ZNF692: variants seen among roughly 807,000 people sequenced by gnomAD.
ZNF692 encodes AICAR responsive element binding protein.
ZNF692 carries 41 observed loss-of-function variants against 49.0 expected under a neutral mutation model. That is an observed-to-expected ratio of 0.84 (90% CI 0.65 to 1.08). The LOEUF is 1.08. ZNF692 is among the 50% of genes least tolerant of loss of function. The probability of loss-of-function intolerance (pLI) is 0.00; values close to 1 mark genes in which losing one functional copy is unlikely to be tolerated. For missense variants in ZNF692, 662 were observed against 662.2 expected (o/e 1.00, Z 0.00); for synonymous variants, 288 against 251.5 (o/e 1.15, Z -1.37).
Position 248,855,947 on chromosome 1 carries a change from C to T in ZNF692, c.525-1G>A. The T allele has an allele frequency of 6.2e-7, 1 of 1,613,616 alleles. No homozygotes were observed. Among genetic ancestry groups the T allele is most frequent in the East Asian group, 2.2e-5 (1 of 44,880 alleles). On this transcript the variant is annotated splice_acceptor_variant, in intron 5 of 10. Coordinates refer to the ZNF692 transcript ENST00000366471. LOFTEE classifies it high-confidence loss of function. The stretch of plus-strand genomic sequence containing the variant: ...TAGTCTGGGGGCATCAGGCTCACTA[C>T]TGAAAGGAGAACAAAGAGGAAGATG...
rs571632762 is a variant in ZNF692, at chr1:248,857,935, G to C, written c.180-76C>G. 4 of 1,588,934 alleles carry C rather than the reference G, an allele frequency of 2.5e-6. No individual in the cohort carries two copies. In the South Asian group the frequency reaches 4.5e-5, roughly 18 times the overall value. On this transcript the variant is annotated intron_variant, in intron 2 of 11. Coordinates refer to ENST00000306601, the MANE Select transcript of ZNF692 (RefSeq NM_017865.4). ...AGCCCTGGGCACTCACACATGTAAG[G>C]GGCCAGCCCTAAGGGCCGCTATTCG... is the stretch of plus-strand genomic sequence containing the variant.
At chr1:248,853,125 CA>C (rs1659797401) in intron 10 of ZNF692, among the ~76,000 whole-genome samples, 1 of 152,164 alleles carries the variant, frequency 6.6e-6, no homozygotes, top group Admixed American at 6.5e-5. Context: ...CGACTGCAGC[CA>C]ACCCATCCTT....
intron 5 of ZNF692, 27 bp downstream of exon 5, chr1:248,856,487 C>G: frequency 6.2e-7 from 1 of 1,614,252 alleles, no homozygotes. Context: ...TGCAATTCCG[C>G]CTTTTCTCTC....
At chr1:248,851,990 C>A (rs1187623428) in intron 10 of ZNF692, among the ~76,000 whole-genome samples, 1 of 152,158 alleles carries the variant, frequency 6.6e-6, no homozygotes, top group Non-Finnish European at 1.5e-5. Flanking sequence ...ACCAATCTTC[C>A]TGTCCCTCTC....
At chr1:248,856,698 G>A in intron 4 of ZNF692, 136 bp from the exon 5 acceptor site, 1 of 1,098,990 alleles carries the variant, frequency 9.1e-7, no homozygotes, top group Non-Finnish European at 1.3e-6. Flanking sequence ...ATGTTGCCCA[G>A]GCTGGTCTCA....
At position 248,856,077 on chromosome 1, in the gene ZNF692, T is replaced by G. The variant is rs1035238673; in HGVS notation, c.660-131A>C. On this transcript the variant is annotated intron_variant, in intron 6 of 11. Coordinates refer to ENST00000306601, the MANE Select transcript of ZNF692 (RefSeq NM_017865.4). ...CCTACCCCCACCCTAGGCTCCCCAT[T>G]CATATCTGCTTTCAGCCCTCAATCT... The G allele has an allele frequency of 2.5e-6, 3 of 1,195,140 alleles. No individual in the cohort carries two copies. The Admixed American group carries it at 7.0e-5, about 28-fold the overall frequency. 74.0% of individuals were successfully genotyped at this position (1,195,140 alleles called of 1,614,324 possible).
At chr1:248,853,085 T>C (rs991121169) in intron 10 of ZNF692, among the ~76,000 whole-genome samples, 1 of 152,194 alleles carries the variant, frequency 6.6e-6, no homozygotes, top group Non-Finnish European at 1.5e-5. Context: ...GCTGGAATCC[T>C]CCAAGTTACC....
At chr1:248,854,225 C>T (rs997887933) in intron 9 of ZNF692, 174 bp from the exon 10 acceptor site, 1 of 589,462 alleles carries the variant, frequency 1.7e-6, no homozygotes, top group African/African-American at 1.9e-5. Flanking sequence ...CAGTCCTCAC[C>T]TACACCATGA....
chr1:248,850,072 A>C lies in ZNF692; in HGVS notation c.*138T>G. The C allele has an allele frequency of 3.3e-6, 3 of 902,678 alleles. No individual in the cohort carries two copies. Among genetic ancestry groups the C allele is most frequent in the Non-Finnish European group, 4.9e-6 (3 of 618,228 alleles). The allele number at this position is 902,678 out of a possible 1,614,324, so 55.9% of individuals were successfully genotyped here. ...AAGTAGTCCAGCTCCCCTACAGCCC[A>C]GTCTTGCCCCCACCCTGCACTCTGT... On this transcript the variant is annotated 3_prime_UTR_variant, in exon 12 of 12. Coordinates refer to ENST00000306601, the MANE Select transcript of ZNF692 (RefSeq NM_017865.4).
chr1:248,856,339 T>G lies in ZNF692; in HGVS notation c.608A>C (p.Glu203Ala). Residue 203 changes from glutamate (E) to alanine (A), a missense_variant, in exon 6 of 12, where the codon GAG becomes GCG. Glu to Ala is a moderately radical substitution (Grantham distance 107, BLOSUM62 -1). Transcript: ENST00000306601. ...EEEEDNDEDE[E>A]EMLSDASLWT... ...TAAGCTGGCATCACTGAGCATCTCC[T>G]CTTCATCCTCATCATTGTCCTCTTC... 6.2e-7 allele frequency: 1 copy of G among 1,611,024 alleles called. No homozygotes were observed. The highest frequency in any genetic ancestry group is 8.5e-7 in the Non-Finnish European group (1 of 1,178,328).
At position 248,855,297 on chromosome 1, in the gene ZNF692, C is replaced by A. The variant is rs955434710; in HGVS notation, c.1038+83G>T. On this transcript the variant is annotated intron_variant, in intron 9 of 11. Coordinates refer to ENST00000306601, the MANE Select transcript of ZNF692 (RefSeq NM_017865.4). ...CTTCCTGGTTCTGAATCCTCCCATG[C>A]CTTAAGATCCTTTTCCTCAGTTTTT... is the stretch of plus-strand genomic sequence containing the variant. 1.5e-5 allele frequency: 21 copies of A among 1,384,108 alleles called. No homozygotes were observed. In the East Asian group the frequency reaches 2.3e-4, roughly 15 times the overall value. 85.7% of individuals were successfully genotyped at this position (1,384,108 alleles called of 1,614,324 possible). A position where few individuals can be genotyped will look rare whatever the true frequency, so the allele number is the denominator to read the frequency against.
In ZNF692 at chr1:248,850,227, G is replaced by C. The variant is rs1659384312; in HGVS notation, c.1543C>G (p.Leu515Val). Residue 515 changes from leucine (L) to valine (V), a missense_variant, in exon 12 of 12, where the codon CTG becomes GTG. By Grantham distance (32) the Leu-to-Val change is conservative. Coordinates refer to ENST00000306601, the MANE Select transcript of ZNF692 (RefSeq NM_017865.4). The part of the protein sequence containing the change: ...RPSASPQAPT[L>V]LPQQ Reference sequence around the variant, plus strand: ...AGGAGAGCTCATTGCTGAGGAAGCAGGGTTGGAGCCTGAGGAGATGCAGAG... The same window carrying C: ...AGGAGAGCTCATTGCTGAGGAAGCACGGTTGGAGCCTGAGGAGATGCAGAG... The C allele has an allele frequency of 2.6e-6, 4 of 1,531,734 alleles. No homozygotes were observed. Among genetic ancestry groups the C allele is most frequent in the Non-Finnish European group, 3.5e-6 (4 of 1,139,716 alleles). The allele number at this position is 1,531,734 out of a possible 1,614,324, so 94.9% of individuals were successfully genotyped here.
At chr1:248,851,435 T>G (rs1659577707) in intron 10 of ZNF692, among the ~76,000 whole-genome samples, 2 of 152,090 alleles carry the variant, frequency 1.3e-5, no homozygotes, top group South Asian at 4.1e-4. Context: ...TGCTGTGGTT[T>G]CTCTAACCCA....
At position 248,858,145 on chromosome 1, in the gene ZNF692, C is replaced by T. The variant is rs781722110; in HGVS notation, c.165G>A (p.Lys55=). Residue 55 remains lysine, a synonymous_variant, in exon 2 of 12, where the codon AAG becomes AAA. Transcript: ENST00000306601. The surrounding 1 kb of genome is among the most constrained non-coding windows in gnomAD (Gnocchi z 4.3). ...LGFSLHSQLA[K]FLLDRYTSSG... Reference sequence around the variant, plus strand: ...CGGCCCCTAACCGGTCCAACAGGAACTTGGCGAGCTGCGAGTGCAGGGAGA... The same window carrying T: ...CGGCCCCTAACCGGTCCAACAGGAATTTGGCGAGCTGCGAGTGCAGGGAGA... 2 of 1,567,742 alleles carry T rather than the reference C, an allele frequency of 1.3e-6. No individual in the cohort carries two copies. Among genetic ancestry groups the T allele is most frequent in the Non-Finnish European group, 1.7e-6 (2 of 1,159,074 alleles).
Position 248,850,514 on chromosome 1 carries a change from C to T in ZNF692, c.1256G>A (p.Cys419Tyr). Residue 419 changes from cysteine to tyrosine, a missense_variant and splice_region_variant, in exon 12 of 12, where the codon TGT (cysteine) becomes TAT (tyrosine). By Grantham distance (194) the Cys-to-Tyr change is radical. Coordinates refer to ENST00000306601, the MANE Select transcript of ZNF692 (RefSeq NM_017865.4). Reference sequence around the variant, plus strand: ...GCGGCAGGTAAACCCGCATATCTCACACCTGGAGTCAGGGACAGAAGAGGG... The same window carrying T: ...GCGGCAGGTAAACCCGCATATCTCATACCTGGAGTCAGGGACAGAAGAGGG... The part of the protein sequence containing the change: ...RIHTGEKPLQ[C>Y]EICGFTCRQK... 6.2e-7 allele frequency: 1 copy of T among 1,603,144 alleles called. No individual in the cohort carries two copies. The highest frequency in any genetic ancestry group is 8.5e-7 in the Non-Finnish European group (1 of 1,173,626).
chr1:248,856,306 T>C lies in ZNF692; in HGVS notation c.641A>G (p.Tyr214Cys), dbSNP rs1441294774. The change falls in exon 6 of 12, where the codon TAC becomes TGC. Residue 214 changes from tyrosine (Y) to cysteine (C), a missense_variant. Physicochemically the swap from Tyr to Cys is radical, Grantham distance 194 (BLOSUM62 -2). Transcript: ENST00000306601. ...AACTTGCTCATCTGGGGAGGAGCTG[T>C]AGGTCCATAAGCTGGCATCACTGAG... ...EMLSDASLWT[Y>C]SSSPDDSEPD... 2.5e-6 allele frequency: 4 copies of C among 1,597,418 alleles called. No individual in the cohort carries two copies. In the Admixed American group the frequency reaches 5.1e-5, roughly 20 times the overall value.
In ZNF692 at chr1:248,858,300, A is replaced by G; in HGVS notation, c.10T>C (p.Ser4Pro). The G allele has an allele frequency of 6.4e-7, 1 of 1,564,640 alleles. No homozygotes were observed. The highest frequency in any genetic ancestry group is 8.7e-7 in the Non-Finnish European group (1 of 1,150,766). The change falls in exon 2 of 12, where the codon TCC becomes CCC. Residue 4 changes from serine (S) to proline (P), a missense_variant. Transcript: ENST00000306601. This position sits in a 1 kb window ranked among gnomAD's most constrained non-coding sequence, Gnocchi z 4.3. MASSPAVDVSCRRR... is the reference protein window; with the variant it reads MASPPAVDVSCRRR... ...CTGCAGGACACGTCCACCGCCGGGG[A>G]GGAAGCCATGTGCACCAGAGGCTGG...
In ZNF692 at chr1:248,850,084, ACC is replaced by A; in HGVS notation, c.*124_*125del. ...TCCCCTACAGCCCAGTCTTGCCCCC[ACC>A]CTGCACTCTGTCGCCTTAGTTCCTG... On this transcript the variant is annotated 3_prime_UTR_variant, in exon 12 of 12. Coordinates refer to ENST00000306601, the MANE Select transcript of ZNF692 (RefSeq NM_017865.4). The A allele has an allele frequency of 9.1e-7, 1 of 1,100,100 alleles. No individual in the cohort carries two copies. Among genetic ancestry groups the A allele is most frequent in the Non-Finnish European group, 1.3e-6 (1 of 784,804 alleles). 68.1% of individuals were successfully genotyped at this position (1,100,100 alleles called of 1,614,324 possible).
At position 248,854,047 on chromosome 1, in the gene ZNF692, T is replaced by C. The variant is rs768731881; in HGVS notation, c.1043A>G (p.His348Arg). The C allele has an allele frequency of 1.9e-6, 3 of 1,613,836 alleles. No individual in the cohort carries two copies. Among genetic ancestry groups the C allele is most frequent in the Non-Finnish European group, 2.5e-6 (3 of 1,179,724 alleles). ...IFSNRQYLNH[H>R]KKYQHIHQKS... The stretch of plus-strand genomic sequence containing the variant: ...CTGGTGGATGTGCTGGTACTTTTTG[T>C]GGTGCTAGAGAAGGAAGTGGGTGGT... Residue 348 changes from histidine to arginine, a missense_variant, in exon 10 of 12, where the codon CAC becomes CGC. Physicochemically the swap from His to Arg is conservative, Grantham distance 29. Transcript: ENST00000306601.
Sources: allele counts gnomAD v4.1 joint callset (sites outside exome capture counted in the v4.1 genomes callset), GRCh38; gene constraint gnomAD v4.1.1; non-coding constraint Gnocchi (gnomAD v3.1); transcripts MANE v1.5; gene names NCBI Gene and HGNC (gene_info 2026-07-23, HGNC 2026-07-21).